The following CBR4 variants were observed in gnomAD, a reference collection of about 807,000 sequenced individuals.
CBR4 encodes the protein 3-oxoacyl-[acyl-carrier-protein] reductase.
A neutral mutation model predicts 21.0 loss-of-function variants in CBR4; 22 were observed. The ratio of observed to expected loss-of-function variants is 1.05; its 90% CI spans 0.75 to 1.50. The LOEUF is 1.50. Ranked by LOEUF, CBR4 falls within the 40% of genes most tolerant of loss-of-function variation. CBR4 has a pLI of 0.00. For synonymous variants in CBR4, 100 were observed against 104.4 expected, an observed-to-expected ratio of 0.96 and a Z score of 0.26; for missense variants, 302 against 286.3, an observed-to-expected ratio of 1.05 and a Z score of -0.40.
intron 2 of CBR4, among the ~76,000 whole-genome samples, chr4:168,971,436 A>ATTTTTTTTT (rs70961566): frequency 1.0e-3 from 114 of 114,046 alleles, no homozygotes; most frequent in African/African-American, 2.2e-3. Flanking sequence ...TGCCCAGCTC[A>ATTTTTTTTT]TTTTTTTTTT....
intron 2 of CBR4, among the ~76,000 whole-genome samples, chr4:168,916,539 T>C (rs1054795523): frequency 6.6e-6 from 1 of 152,196 alleles, no homozygotes; most frequent in African/African-American, 2.4e-5. Flanking sequence ...ATGACATTAC[T>C]CTAGAAAGTC....
chr4:168,979,555 G>T (rs199554735), intron 2 of CBR4, among the ~76,000 whole-genome samples: 2 of 17,274 alleles, frequency 1.2e-4, no homozygotes, highest in African/African-American at 1.8e-4. Context: ...TGCCATTGCG[G>T]GGCTTCAGCG....
At chr4:168,955,158 G>A (rs1763647593) in intron 2 of CBR4, among the ~76,000 whole-genome samples, 1 of 152,156 alleles carries the variant, frequency 6.6e-6, no homozygotes, top group African/African-American at 2.4e-5. Context: ...TTGGAGGATG[G>A]CAGGATGGGA....
At chr4:168,962,087 T>C (rs1763880186) in intron 2 of CBR4, among the ~76,000 whole-genome samples, 2 of 151,410 alleles carry the variant, frequency 1.3e-5, no homozygotes, top group African/African-American at 2.4e-5. Context: ...ATGTAAACAA[T>C]TAAAAATTAG....
intron 2 of CBR4, chr4:168,894,843 C>T: frequency 9.1e-7 from 1 of 1,096,876 alleles, no homozygotes; most frequent in Non-Finnish European, 1.3e-6. Flanking sequence ...TTTTATTGAG[C>T]ACATACTATG....
At chr4:168,943,912 A>C (rs1321570562) in intron 2 of CBR4, among the ~76,000 whole-genome samples, 1 of 152,156 alleles carries the variant, frequency 6.6e-6, no homozygotes, top group African/African-American at 2.4e-5. Flanking sequence ...TCTGTCTCAA[A>C]ACAAAACAAA....
chr4:168,934,237 A>C, intron 2 of CBR4, among the ~76,000 whole-genome samples: 1 of 146,006 alleles, frequency 6.8e-6, no homozygotes. Context: ...GGCAAGACCC[A>C]GTCTCCAAAA....
intron 2 of CBR4, among the ~76,000 whole-genome samples, chr4:168,977,011 TCA>T (rs1341368017): frequency 6.6e-6 from 1 of 152,242 alleles, no homozygotes; most frequent in Non-Finnish European, 1.5e-5. Context: ...CTTTGGGAAC[TCA>T]CAGTTTTTTG....
intron 2 of CBR4, among the ~76,000 whole-genome samples, chr4:168,946,801 C>T (rs554338629): frequency 5.1e-4 from 78 of 152,128 alleles, no homozygotes; most frequent in African/African-American, 1.6e-3. Flanking sequence ...AATGGTCCTG[C>T]GACCAAAGCA....
chr4:168,934,343 TAA>T (rs1763053131), intron 2 of CBR4, among the ~76,000 whole-genome samples: 1 of 55,354 alleles, frequency 1.8e-5, no homozygotes, highest in Non-Finnish European at 4.0e-5. Context: ...AAAGAAATAA[TAA>T]AGATTAGAGT....
intron 2 of CBR4, among the ~76,000 whole-genome samples, chr4:168,922,100 T>TACACAC (rs1257662371): frequency 7.1e-4 from 69 of 96,634 alleles, no homozygotes; most frequent in Middle Eastern, 5.2e-3. Context: ...TATATATATA[T>TACACAC]ATACACACAC....
intron 3 of CBR4, among the ~76,000 whole-genome samples, chr4:169,004,279 T>G (rs2126863686): frequency 6.6e-6 from 1 of 152,308 alleles, no homozygotes; most frequent in African/African-American, 2.4e-5. Context: ...TTACATTTTT[T>G]TTAGATATAA....
At chr4:168,902,121 T>A (rs1756650512) in intron 2 of CBR4, among the ~76,000 whole-genome samples, 1 of 152,228 alleles carries the variant, frequency 6.6e-6, no homozygotes, top group Non-Finnish European at 1.5e-5. Context: ...AATGCAGGTT[T>A]CAAAAAGATT....
chr4:168,989,879 AT>A lies in CBR4; in HGVS notation c.*270del, dbSNP rs2126804384. On this transcript the variant is annotated 3_prime_UTR_variant, in exon 5 of 5. Coordinates refer to ENST00000306193, the MANE Select transcript of CBR4 (RefSeq NM_032783.5). Reference sequence around the variant, plus strand: ...ATATGTTAAAACCACTGAATTGTGTATTTTAAATGTGTGATTATATGGTATG... The same window carrying A: ...ATATGTTAAAACCACTGAATTGTGTATTTAAATGTGTGATTATATGGTATG... 2 of 1,082,042 alleles carry A rather than the reference AT, an allele frequency of 1.8e-6. No homozygotes were observed. Among genetic ancestry groups the A allele is most frequent in the East Asian group, 5.4e-5 (1 of 18,478 alleles). 67.0% of individuals were successfully genotyped at this position (1,082,042 alleles called of 1,614,324 possible). A position where few individuals can be genotyped will look rare whatever the true frequency, so the allele number is the denominator to read the frequency against.
intron 2 of CBR4, among the ~76,000 whole-genome samples, chr4:168,945,219 C>T (rs578043129): frequency 6.6e-6 from 1 of 152,256 alleles, no homozygotes; most frequent in South Asian, 2.1e-4. Flanking sequence ...TTTTAACAAA[C>T]CTTCTAGATG....
At chr4:168,906,998 G>A (rs1197188879) in intron 2 of CBR4, among the ~76,000 whole-genome samples, 1 of 152,198 alleles carries the variant, frequency 6.6e-6, no homozygotes, top group African/African-American at 2.4e-5. Flanking sequence ...CAGGGGTTAT[G>A]AGCATGAACT....
At chr4:168,913,411 A>G (rs1019965100) in intron 2 of CBR4, among the ~76,000 whole-genome samples, 4 of 152,152 alleles carry the variant, frequency 2.6e-5, no homozygotes, top group African/African-American at 9.7e-5. Context: ...TGCTGGCATT[A>G]CAGGCATGAG....
At chr4:169,006,378 A>G (rs1560994188) in intron 3 of CBR4, among the ~76,000 whole-genome samples, 1 of 152,162 alleles carries the variant, frequency 6.6e-6, no homozygotes, top group South Asian at 2.1e-4. Context: ...GAATGATCCA[A>G]TTTCTCTTGA....
At chr4:168,932,210 C>T (rs191434115) in intron 2 of CBR4, among the ~76,000 whole-genome samples, 4 of 150,804 alleles carry the variant, frequency 2.7e-5, no homozygotes, top group Middle Eastern at 6.8e-3. Flanking sequence ...GAAAGTAATT[C>T]ATGATTTGAA....
Sources: allele counts gnomAD v4.1 joint callset (sites outside exome capture counted in the v4.1 genomes callset), GRCh38; gene constraint gnomAD v4.1.1; transcripts MANE v1.5; gene names NCBI Gene and HGNC (gene_info 2026-07-23, HGNC 2026-07-21).